Variants in PRPF19 observed in about 807,000 individuals in gnomAD.
The protein encoded by PRPF19 is pre-mRNA-processing factor 19.
Under a neutral mutation model 64.2 loss-of-function variants are expected in PRPF19, and 2 were observed. The ratio of observed to expected loss-of-function variants is 0.03; its 90% CI spans 0.01 to 0.10. PRPF19 has a LOEUF of 0.10. Ranked by LOEUF, PRPF19 falls within the 10% of genes least tolerant of loss-of-function variation. PRPF19 has a pLI of 1.00. For missense variants in PRPF19, 314 were observed against 650.0 expected, an observed-to-expected ratio of 0.48 and a Z score of 5.62; for synonymous variants, 226 against 251.6, an observed-to-expected ratio of 0.90 and a Z score of 0.96.
Position 60,898,806 on chromosome 11 carries a change from TA to T in PRPF19, c.1054+55del, listed in dbSNP as rs1855948719. On this transcript the variant is annotated intron_variant, in intron 12 of 15. Coordinates refer to ENST00000227524, the MANE Select transcript of PRPF19 (RefSeq NM_014502.5). This position sits in a 1 kb window ranked among gnomAD's most constrained non-coding sequence, Gnocchi z 4.6. The stretch of plus-strand genomic sequence containing the variant: ...AATAAACAAATGACTAAATAAAATG[TA>T]AAAATAAATAATAAACAGCAAACAA... The T allele has an allele frequency of 6.7e-7, 1 of 1,498,578 alleles. No individual in the cohort carries two copies. The highest frequency in any genetic ancestry group is 1.4e-5 in the African/African-American group (1 of 70,336). 92.8% of individuals were successfully genotyped at this position (1,498,578 alleles called of 1,614,324 possible). A position where few individuals can be genotyped will look rare whatever the true frequency, so the allele number is the denominator to read the frequency against.
At chr11:60,900,964 C>T (rs1277588746) in intron 8 of PRPF19, 35 bp from the exon 9 acceptor site, 5 of 1,610,740 alleles carry the variant, frequency 3.1e-6, no homozygotes, top group Admixed American at 3.3e-5. Flanking sequence ...CTGTCACGGC[C>T]AAATCACAGC....
chr11:60,898,173 G>A lies in PRPF19; in HGVS notation c.1239C>T (p.Asp413=). The A allele has an allele frequency of 6.2e-7, 1 of 1,614,212 alleles. No homozygotes were observed. The highest frequency in any genetic ancestry group is 1.1e-5 in the South Asian group (1 of 91,080). Residue 413 remains aspartate (D), a synonymous_variant, in exon 14 of 16, where the codon GAC becomes GAT. Transcript: ENST00000227524. The surrounding 1 kb of genome is among the most constrained non-coding windows in gnomAD (Gnocchi z 4.6). The part of the protein sequence containing the change: ...NGYYLATAAD[D]SSVKLWDLRK... The stretch of plus-strand genomic sequence containing the variant: ...GCAGATCCCAGAGCTTGACAGAGGA[G>A]TCATCAGCCGCTGTAGCCAGGTAGT...
chr11:60,897,634 C>T, intron 15 of PRPF19: 1 of 470,844 alleles, frequency 2.1e-6, no homozygotes, highest in Non-Finnish European at 3.8e-6. Context: ...CTGCCCAATG[C>T]CACAGGGCAT....
Position 60,902,797 on chromosome 11 carries a change from C to A in PRPF19, c.331G>T (p.Asp111Tyr). 6.2e-7 allele frequency: 1 copy of A among 1,614,142 alleles called. No homozygotes were observed. The highest frequency in any genetic ancestry group is 1.3e-5 in the African/African-American group (1 of 75,052). Residue 111 changes from aspartate (D) to tyrosine (Y), a missense_variant, in exon 4 of 16, where the codon GAT (aspartate) becomes TAT (tyrosine). By Grantham distance (160) the Asp-to-Tyr change is radical. Coordinates refer to ENST00000227524, the MANE Select transcript of PRPF19 (RefSeq NM_014502.5). The surrounding 1 kb of genome is among the most constrained non-coding windows in gnomAD (Gnocchi z 5.0). The part of the protein sequence containing the change: ...QELSHALYQH[D>Y]AACRVIARLT... ...CGGGCAATGACACGGCAGGCGGCAT[C>A]GTGCTGGTACAGAGCGTGTGACAGC...
Position 60,898,634 on chromosome 11 carries a change from G to A in PRPF19, c.1055-8C>T. ...ACTGTGCACAGGTGAGAGCTGTGGA[G>A]GAGGGAAGAGAGACCTGTGGTCAGA... On this transcript the variant is annotated splice_polypyrimidine_tract_variant and splice_region_variant and intron_variant, in intron 12 of 15. Transcript: ENST00000227524. The surrounding 1 kb of genome is among the most constrained non-coding windows in gnomAD (Gnocchi z 4.6). The A allele has an allele frequency of 1.2e-6, 2 of 1,614,082 alleles. No individual in the cohort carries two copies. The highest frequency in any genetic ancestry group is 1.7e-6 in the Non-Finnish European group (2 of 1,180,012).
intron 10 of PRPF19, among the ~76,000 whole-genome samples, chr11:60,900,310 T>C (rs1291857078): frequency 6.6e-6 from 1 of 152,200 alleles, no homozygotes; most frequent in African/African-American, 2.4e-5. Context: ...ACTATAAGAT[T>C]TTTTCTTTCC....
intron 1 of PRPF19, among the ~76,000 whole-genome samples, chr11:60,905,887 T>C (rs1856040142): frequency 6.6e-6 from 1 of 152,250 alleles, no homozygotes; most frequent in Non-Finnish European, 1.5e-5. Flanking sequence ...TAACTCATCA[T>C]GTGACCTTTG....
intron 1 of PRPF19, 54 bp downstream of exon 1, chr11:60,906,310 C>T: frequency 6.4e-7 from 1 of 1,567,236 alleles, no homozygotes; most frequent in South Asian, 1.2e-5. Flanking sequence ...GCACACGCTC[C>T]CGCGCCGCTC....
intron 10 of PRPF19, 63 bp downstream of exon 10, chr11:60,900,519 G>A (rs1273906372): frequency 6.2e-6 from 8 of 1,288,118 alleles, no homozygotes; most frequent in Middle Eastern, 2.5e-4. Flanking sequence ...AGACAGCAGC[G>A]GGGTGAGGGA....
At chr11:60,901,202 A>T in intron 8 of PRPF19, 93 bp downstream of exon 8, 1 of 1,351,102 alleles carries the variant, frequency 7.4e-7, no homozygotes, top group Non-Finnish European at 1.0e-6. Flanking sequence ...AACCTGGGAC[A>T]GCTCTGCACT....
At position 60,903,764 on chromosome 11, in the gene PRPF19, G is replaced by A. The variant is rs755610109; in HGVS notation, c.117C>T (p.Thr39=). The change falls in exon 2 of 16, where the codon ACC becomes ACT. Residue 39 remains threonine, a synonymous_variant. Transcript: ENST00000227524. ...LIEKYIAENG[T]DPINNQPLSE... Reference sequence around the variant, plus strand: ...AGAGAGGCTGGTTGTTGATGGGGTCGGTACCATTCTCCGCAATGTACTTCT... The same window carrying A: ...AGAGAGGCTGGTTGTTGATGGGGTCAGTACCATTCTCCGCAATGTACTTCT... 1.2e-5 allele frequency: 19 copies of A among 1,604,566 alleles called. No homozygotes were observed. The highest frequency in any genetic ancestry group is 2.7e-5 in the African/African-American group (2 of 73,716).
Position 60,902,538 on chromosome 11 carries a change from C to T in PRPF19, c.462+45G>A, listed in dbSNP as rs1265857934. On this transcript the variant is annotated intron_variant, in intron 5 of 15. Transcript: ENST00000227524. The surrounding 1 kb of genome is among the most constrained non-coding windows in gnomAD (Gnocchi z 5.0). ...CCTGCATAAGGACAGTTCTGTGGGC[C>T]ACTGTACACAAATGGGCTGCTGGTA... 1.2e-6 allele frequency: 2 copies of T among 1,606,432 alleles called. No individual in the cohort carries two copies. The highest frequency in any genetic ancestry group is 1.7e-6 in the Non-Finnish European group (2 of 1,173,124).
intron 1 of PRPF19, among the ~76,000 whole-genome samples, 153 bp downstream of exon 1, chr11:60,906,210 CG>C (rs35711830): frequency 1.3e-5 from 2 of 152,014 alleles, no homozygotes; most frequent in African/African-American, 4.8e-5. Context: ...CCCGCTCCGA[CG>C]GGGGGGGCTC....
At chr11:60,896,761 G>C (rs1379965534) in intron 15 of PRPF19, among the ~76,000 whole-genome samples, 2 of 152,172 alleles carry the variant, frequency 1.3e-5, no homozygotes, top group African/African-American at 4.8e-5. Flanking sequence ...TCCTGATCCT[G>C]TGTAGGCCTA....
At position 60,902,763 on chromosome 11, in the gene PRPF19, T is replaced by C; in HGVS notation, c.365A>G (p.Lys122Arg). 2 of 1,614,166 alleles carry C rather than the reference T, an allele frequency of 1.2e-6. No individual in the cohort carries two copies. Among genetic ancestry groups the C allele is most frequent in the Non-Finnish European group, 1.7e-6 (2 of 1,180,030 alleles). The change falls in exon 4 of 16, where the codon AAG becomes AGG. Residue 122 changes from lysine to arginine, a missense_variant. Around this residue, in one of 7 missense-constraint regions of PRPF19, gnomAD observed 4 missense variants for 44.3 expected, o/e 0.09. Coordinates refer to ENST00000227524, the MANE Select transcript of PRPF19 (RefSeq NM_014502.5). The surrounding 1 kb of genome is among the most constrained non-coding windows in gnomAD (Gnocchi z 5.0). ...ACCTTCTCGGGCAGCAGTGACTTCCTTGGTGAGACGGGCAATGACACGGCA... is the reference window on the plus strand; with the variant it reads ...ACCTTCTCGGGCAGCAGTGACTTCCCTGGTGAGACGGGCAATGACACGGCA... Reference protein sequence around the residue: ...AACRVIARLTKEVTAAREALA... With the variant: ...AACRVIARLTREVTAAREALA...
chr11:60,905,156 G>A (rs1565112497), intron 1 of PRPF19, among the ~76,000 whole-genome samples: 1 of 152,192 alleles, frequency 6.6e-6, no homozygotes. Flanking sequence ...CCGCAATAGA[G>A]GTATCATTTA....
chr11:60,903,382 T>G, intron 3 of PRPF19, 77 bp downstream of exon 3: 2 of 1,426,664 alleles, frequency 1.4e-6, no homozygotes, highest in Non-Finnish European at 1.9e-6. Flanking sequence ...TGCTCCATCC[T>G]TCCTACCCCC....
At chr11:60,896,533 C>T (rs552304412) in intron 15 of PRPF19, among the ~76,000 whole-genome samples, 34 of 152,286 alleles carry the variant, frequency 2.2e-4, no homozygotes, top group African/African-American at 6.3e-4. Context: ...TGAGTTCTCA[C>T]GAGATCTGAT....
At position 60,898,731 on chromosome 11, in the gene PRPF19, C is replaced by T; in HGVS notation, c.1055-105G>A. Reference sequence around the variant, plus strand: ...TCTTCACATTCCTCAGTGAACCCAGCACAAAGCCCGCACTAGACAGGTGCT... The same window carrying T: ...TCTTCACATTCCTCAGTGAACCCAGTACAAAGCCCGCACTAGACAGGTGCT... On this transcript the variant is annotated intron_variant, in intron 12 of 15. Coordinates refer to ENST00000227524, the MANE Select transcript of PRPF19 (RefSeq NM_014502.5). The surrounding 1 kb of genome is among the most constrained non-coding windows in gnomAD (Gnocchi z 4.6). 8 of 1,579,794 alleles carry T rather than the reference C, an allele frequency of 5.1e-6. No individual in the cohort carries two copies. Among genetic ancestry groups the T allele is most frequent in the Non-Finnish European group, 6.0e-6 (7 of 1,160,808 alleles).
Sources: gnomAD v4.1 joint callset for allele counts (sites outside exome capture counted in the v4.1 genomes callset) on GRCh38, gnomAD v4.1.1 for gene constraint, gnomAD v4.1.1 regional missense constraint, Gnocchi (gnomAD v3.1) non-coding constraint, MANE v1.5 for transcripts, NCBI Gene and HGNC (gene_info 2026-07-23, HGNC 2026-07-21) for gene names.